Variants in LANCL1 observed in about 807,000 individuals in gnomAD.
The protein encoded by LANCL1 is LanC like glutathione S-transferase 1, also known as glutathione S-transferase LANCL1.
LANCL1 carries 50 observed loss-of-function variants against 50.6 expected under a neutral mutation model. The ratio of observed to expected loss-of-function variants is 0.99; its 90% CI spans 0.79 to 1.25. LANCL1 has a LOEUF of 1.25. LANCL1 is among the 50% of genes most tolerant of loss of function. The pLI, the probability that LANCL1 is intolerant of heterozygous loss-of-function variation, is 0.00. For synonymous variants in LANCL1, 188 were observed against 178.6 expected (o/e 1.05, Z -0.42); for missense variants, 532 against 480.7 (o/e 1.11, Z -1.00).
intron 4 of LANCL1, chr2:210,442,761 C>T (rs1191823156): frequency 1.3e-5 from 2 of 152,222 alleles, no homozygotes; most frequent in African/African-American, 4.8e-5. Context: ...GCACAAAACC[C>T]AAAAGTAGGC....
chr2:210,445,217 G>A (rs1302432153), intron 4 of LANCL1, among the ~76,000 whole-genome samples: 2 of 152,040 alleles, frequency 1.3e-5, no homozygotes, highest in Non-Finnish European at 2.9e-5. Flanking sequence ...CCGAATTACT[G>A]CATTGATTCC....
chr2:210,444,486 G>A (rs896666743), intron 4 of LANCL1, among the ~76,000 whole-genome samples: 4 of 152,198 alleles, frequency 2.6e-5, no homozygotes, highest in Non-Finnish European at 5.9e-5. Context: ...AACTTATGAA[G>A]GAGTCTTTAA....
chr2:210,433,739 AAC>A lies in LANCL1; in HGVS notation c.*746_*747del, dbSNP rs1476047021. On this transcript the variant is annotated 3_prime_UTR_variant, in exon 10 of 10. Coordinates refer to ENST00000450366, the MANE Select transcript of LANCL1 (RefSeq NM_006055.3). ...AAAAAACTCAGATTATTTTAGAGAA[AAC>A]ACAGACTGTTATTGTTAGCTTATCT... 2 of 152,190 alleles carry A rather than the reference AAC, an allele frequency of 1.3e-5. No individual in the cohort carries two copies. Among genetic ancestry groups the A allele is most frequent in the Non-Finnish European group, 2.9e-5 (2 of 68,030 alleles). 9.4% of individuals were successfully genotyped at this position (152,190 alleles called of 1,614,324 possible).
At chr2:210,475,192 A>C (rs929363544) in intron 2 of LANCL1, among the ~76,000 whole-genome samples, 10 of 152,212 alleles carry the variant, frequency 6.6e-5, no homozygotes, top group African/African-American at 2.4e-4. Context: ...CCCACAGATT[A>C]ATTTGACAGG....
intron 6 of LANCL1, among the ~76,000 whole-genome samples, chr2:210,438,483 A>C (rs1214097151): frequency 6.6e-6 from 1 of 152,174 alleles, no homozygotes; most frequent in African/African-American, 2.4e-5. Context: ...CATACATATA[A>C]ATAATTTTCC....
At chr2:210,474,804 A>T (rs895551513) in intron 2 of LANCL1, among the ~76,000 whole-genome samples, 2 of 152,150 alleles carry the variant, frequency 1.3e-5, no homozygotes, top group African/African-American at 4.8e-5. Flanking sequence ...AGGCAGTCTA[A>T]ATAGGTACAT....
intron 6 of LANCL1, 139 bp downstream of exon 6, chr2:210,440,459 G>C (rs972516417): frequency 2.5e-5 from 19 of 774,504 alleles, no homozygotes; most frequent in Non-Finnish European, 3.7e-5. Context: ...GTTTGTCTAG[G>C]ACAAGTAATT....
At position 210,436,196 on chromosome 2, in the gene LANCL1, T is replaced by C; in HGVS notation, c.1050+20A>G. 1 of 1,607,832 alleles carries C rather than the reference T, an allele frequency of 6.2e-7. No individual in the cohort carries two copies. The highest frequency in any genetic ancestry group is 1.1e-5 in the South Asian group (1 of 90,826). ...TGTGAGCCACCGAGCTGCTTTCTAT[T>C]TGGTGGTTCTGACTCCTACCTTACA... On this transcript the variant is annotated intron_variant, in intron 8 of 9. Coordinates refer to ENST00000450366, the MANE Select transcript of LANCL1 (RefSeq NM_006055.3).
chr2:210,466,986 G>T (rs919605266), intron 3 of LANCL1, among the ~76,000 whole-genome samples: 3 of 152,106 alleles, frequency 2.0e-5, no homozygotes, highest in Non-Finnish European at 4.4e-5. Flanking sequence ...TTCAAGATAT[G>T]AATCTTGGAG....
At chr2:210,446,975 A>T (rs1343109871) in intron 4 of LANCL1, among the ~76,000 whole-genome samples, 1 of 152,180 alleles carries the variant, frequency 6.6e-6, no homozygotes, top group Non-Finnish European at 1.5e-5. Flanking sequence ...ATTCAGGAAC[A>T]ACATTCACAT....
At position 210,435,400 on chromosome 2, in the gene LANCL1, G is replaced by C; in HGVS notation, c.1110C>G (p.Phe370Leu). 6.2e-7 allele frequency: 1 copy of C among 1,612,244 alleles called. No individual in the cohort carries two copies. The highest frequency in any genetic ancestry group is 8.5e-7 in the Non-Finnish European group (1 of 1,178,372). The change falls in exon 9 of 10, where the codon TTC (phenylalanine) becomes TTG (leucine). Residue 370 changes from phenylalanine (F) to leucine (L), a missense_variant. Coordinates refer to ENST00000450366, the MANE Select transcript of LANCL1 (RefSeq NM_006055.3). ...TGTACAAAATACCTTCAAAGAGAGA[G>C]AAAGGGGTGTCTGGTGTTCTGCATC... ...EHGCRTPDTP[F>L]SLFEGMAGTI...
At chr2:210,454,105 G>A (rs1029450758) in intron 4 of LANCL1, among the ~76,000 whole-genome samples, 1 of 151,974 alleles carries the variant, frequency 6.6e-6, no homozygotes, top group East Asian at 1.9e-4. Context: ...ATTTTGGGTG[G>A]AGCAAGACTC....
intron 4 of LANCL1, among the ~76,000 whole-genome samples, chr2:210,453,284 A>G (rs528229897): frequency 6.6e-6 from 1 of 152,320 alleles, no homozygotes; most frequent in African/African-American, 2.4e-5. Context: ...GCATTTTAAT[A>G]CACTAATATT....
intron 4 of LANCL1, among the ~76,000 whole-genome samples, chr2:210,446,437 A>T (rs1693331579): frequency 6.6e-6 from 1 of 152,154 alleles, no homozygotes; most frequent in Non-Finnish European, 1.5e-5. Flanking sequence ...AAAAACCAGA[A>T]TGCTGCTTCT....
intron 3 of LANCL1, among the ~76,000 whole-genome samples, chr2:210,466,147 G>A (rs1694051828): frequency 6.6e-6 from 1 of 152,070 alleles, no homozygotes; most frequent in Admixed American, 6.6e-5. Context: ...TTGCCAGTAG[G>A]GACTGCCTTT....
At chr2:210,446,847 G>T (rs915475470) in intron 4 of LANCL1, among the ~76,000 whole-genome samples, 1 of 152,098 alleles carries the variant, frequency 6.6e-6, no homozygotes, top group Admixed American at 6.6e-5. Flanking sequence ...AGAAATAACG[G>T]ACTATGTGAA....
At chr2:210,466,378 T>C (rs1429144845) in intron 3 of LANCL1, among the ~76,000 whole-genome samples, 1 of 152,162 alleles carries the variant, frequency 6.6e-6, no homozygotes, top group Admixed American at 6.5e-5. Flanking sequence ...CTCCATCTTG[T>C]AGGCTAATCC....
At chr2:210,448,381 T>G (rs1693411839) in intron 4 of LANCL1, among the ~76,000 whole-genome samples, 1 of 152,136 alleles carries the variant, frequency 6.6e-6, no homozygotes, top group Non-Finnish European at 1.5e-5. Flanking sequence ...TAGCACTAAA[T>G]GCCCACAAGA....
At position 210,476,739 on chromosome 2, in the gene LANCL1, T is replaced by C; in HGVS notation, c.-136A>G. On this transcript the variant is annotated 5_prime_UTR_variant, in exon 1 of 10. Transcript: ENST00000450366. ...CCTCTCACCCCGCAGCCCCGGACAG[T>C]AACAGAAGGGCTATTTTACCGCCCA... 3.7e-6 allele frequency: 4 copies of C among 1,072,116 alleles called. No homozygotes were observed. The highest frequency in any genetic ancestry group is 4.5e-6 in the Non-Finnish European group (4 of 883,584). The allele number at this position is 1,072,116 out of a possible 1,614,324, so 66.4% of individuals were successfully genotyped here.
Sources: gnomAD v4.1 joint callset for allele counts (sites outside exome capture counted in the v4.1 genomes callset) on GRCh38, gnomAD v4.1.1 for gene constraint, MANE v1.5 for transcripts, NCBI Gene and HGNC (gene_info 2026-07-23, HGNC 2026-07-21) for gene names.